Variants in PTPRJ observed in about 807,000 individuals in gnomAD.
PTPRJ encodes protein tyrosine phosphatase receptor type J.
In PTPRJ, 129 loss-of-function variants were observed where a neutral mutation model predicts 141.3. That is an observed-to-expected ratio of 0.91 (90% CI 0.79 to 1.06). PTPRJ has a LOEUF of 1.06. PTPRJ is among the 50% of genes least tolerant of loss of function. The probability of loss-of-function intolerance (pLI) is 0.00; values close to 1 mark genes in which losing one functional copy is unlikely to be tolerated. For missense variants in PTPRJ, 1,601 were observed against 1,679.7 expected, an observed-to-expected ratio of 0.95 and a Z score of 0.82; for synonymous variants, 610 against 640.5, an observed-to-expected ratio of 0.95 and a Z score of 0.72.
At chr11:48,018,923 G>A (rs577360414) in intron 1 of PTPRJ, among the ~76,000 whole-genome samples, 1 of 152,254 alleles carries the variant, frequency 6.6e-6, no homozygotes, top group African/African-American at 2.4e-5. Context: ...CCGACCCCTC[G>A]CCTCTGCAGG....
intron 11 of PTPRJ, among the ~76,000 whole-genome samples, chr11:48,141,799 T>C (rs1238175775): frequency 6.6e-6 from 1 of 152,214 alleles, no homozygotes; most frequent in Non-Finnish European, 1.5e-5. Context: ...CTTACTCTAA[T>C]GATGGTTTCT....
At chr11:47,991,273 T>A (rs530474454) in intron 1 of PTPRJ, among the ~76,000 whole-genome samples, 13 of 152,202 alleles carry the variant, frequency 8.5e-5, no homozygotes, top group African/African-American at 3.1e-4. Flanking sequence ...ATTGACTGTG[T>A]CCCTTAAAAA....
intron 1 of PTPRJ, chr11:48,016,002 G>A (rs985082761): frequency 6.6e-6 from 1 of 152,230 alleles, no homozygotes; most frequent in Non-Finnish European, 1.5e-5. Context: ...TCTGGATTAG[G>A]ATCCACTGCA....
intron 1 of PTPRJ, among the ~76,000 whole-genome samples, chr11:48,104,386 T>C (rs965038383): frequency 2.6e-5 from 4 of 152,154 alleles, no homozygotes; most frequent in Non-Finnish European, 4.4e-5. Flanking sequence ...CCTTTCAGAG[T>C]TGAAATCTGT....
intron 1 of PTPRJ, among the ~76,000 whole-genome samples, chr11:48,101,857 CT>C (rs1166352754): frequency 1.3e-5 from 2 of 152,094 alleles, no homozygotes; most frequent in Non-Finnish European, 2.9e-5. Context: ...AATTGAAACT[CT>C]CTGCTCTTTT....
chr11:48,000,854 A>G (rs911599118), intron 1 of PTPRJ, among the ~76,000 whole-genome samples: 6 of 151,866 alleles, frequency 4.0e-5, no homozygotes, highest in African/African-American at 1.5e-4. Context: ...TGATTTCCTT[A>G]TGTGTAGGAC....
At chr11:47,992,427 C>A (rs766149886) in intron 1 of PTPRJ, among the ~76,000 whole-genome samples, 2 of 152,124 alleles carry the variant, frequency 1.3e-5, no homozygotes, top group Admixed American at 6.6e-5. Flanking sequence ...CCTGCCTTGG[C>A]CTCCCAAAGT....
chr11:48,025,479 G>A (rs574962560), intron 1 of PTPRJ, among the ~76,000 whole-genome samples: 1 of 152,302 alleles, frequency 6.6e-6, no homozygotes, highest in East Asian at 1.9e-4. Flanking sequence ...CATAACACCT[G>A]CCATAGGGTC....
At chr11:48,008,477 C>G (rs1454848695) in intron 1 of PTPRJ, among the ~76,000 whole-genome samples, 1 of 151,884 alleles carries the variant, frequency 6.6e-6, no homozygotes, top group Non-Finnish European at 1.5e-5. Flanking sequence ...CCAGGCTGGT[C>G]TTGAACTTCT....
intron 22 of PTPRJ, 120 bp downstream of exon 22, chr11:48,160,169 G>T (rs4752911): frequency 1 from 1,383,507 of 1,385,702 alleles, 690,697 homozygotes; most frequent in East Asian, 1. Flanking sequence ...ATGTTTTGCT[G>T]CTTTCCTTTC....
At chr11:48,161,195 A>AAAAAG (rs1480366653) in intron 22 of PTPRJ, among the ~76,000 whole-genome samples, 1 of 151,662 alleles carries the variant, frequency 6.6e-6, no homozygotes, top group South Asian at 2.1e-4. Context: ...AAAAAAAAAA[A>AAAAAG]AAAGATAAAT....
chr11:48,007,700 G>A (rs558505413), intron 1 of PTPRJ, among the ~76,000 whole-genome samples: 10 of 152,340 alleles, frequency 6.6e-5, no homozygotes, highest in Non-Finnish European at 1.5e-4. Context: ...CCCGGCTGAG[G>A]CCTTTTTCTT....
At chr11:48,006,214 C>T (rs1447834003) in intron 1 of PTPRJ, among the ~76,000 whole-genome samples, 1 of 152,184 alleles carries the variant, frequency 6.6e-6, no homozygotes, top group Non-Finnish European at 1.5e-5. Flanking sequence ...TTTTGAGCAT[C>T]ACTTTCCTCA....
At chr11:48,109,325 A>G (rs1856379662) in intron 1 of PTPRJ, among the ~76,000 whole-genome samples, 1 of 152,152 alleles carries the variant, frequency 6.6e-6, no homozygotes, top group Admixed American at 6.5e-5. Flanking sequence ...GTGTTTGTGA[A>G]ACAATAGAGT....
intron 10 of PTPRJ, among the ~76,000 whole-genome samples, chr11:48,139,142 A>G: frequency 6.6e-6 from 1 of 151,960 alleles, no homozygotes; most frequent in Non-Finnish European, 1.5e-5. Context: ...CAAAAAAAAA[A>G]GGGGGTCCTC....
chr11:48,089,909 C>A (rs1052060403), intron 1 of PTPRJ, among the ~76,000 whole-genome samples: 2 of 152,162 alleles, frequency 1.3e-5, no homozygotes, highest in Non-Finnish European at 2.9e-5. Context: ...ATTTCCCCAC[C>A]TGTAAAATGG....
At chr11:48,004,570 G>C (rs1039463706) in intron 1 of PTPRJ, among the ~76,000 whole-genome samples, 3 of 152,128 alleles carry the variant, frequency 2.0e-5, no homozygotes, top group Non-Finnish European at 4.4e-5. Context: ...GGCAGTGCAG[G>C]CCTCAAAGGA....
At chr11:48,132,586 T>A in intron 8 of PTPRJ, 1 of 961,806 alleles carries the variant, frequency 1.0e-6, no homozygotes. Context: ...AAGATATACC[T>A]AATGTAAATG....
intron 1 of PTPRJ, among the ~76,000 whole-genome samples, chr11:48,093,037 T>A (rs1357117186): frequency 6.6e-6 from 1 of 152,256 alleles, no homozygotes; most frequent in African/African-American, 2.4e-5. Context: ...TGATGGCCTA[T>A]ATTTTCTATT....
Sources: gnomAD v4.1 joint callset for allele counts (sites outside exome capture counted in the v4.1 genomes callset) on GRCh38, gnomAD v4.1.1 for gene constraint, MANE v1.5 for transcripts, NCBI Gene and HGNC (gene_info 2026-07-23, HGNC 2026-07-21) for gene names.